Variants in PLBD2 observed in about 807,000 individuals in gnomAD.
PLBD2 encodes the protein putative aminopeptidase PLBD2.
Under a neutral mutation model 68.3 loss-of-function variants are expected in PLBD2, and 51 were observed. That is an observed-to-expected ratio of 0.75 (90% CI 0.60 to 0.94). PLBD2 has a LOEUF of 0.94. Among genes scored for constraint, PLBD2 ranks in the 40% least tolerant of loss-of-function variants. PLBD2 has a pLI of 0.00. For missense variants in PLBD2, 729 were observed against 792.2 expected (o/e 0.92, Z 0.96); for synonymous variants, 314 against 339.3 (o/e 0.93, Z 0.82).
intron 1 of PLBD2, among the ~76,000 whole-genome samples, chr12:113,365,204 T>C (rs1429976027): frequency 2.0e-5 from 3 of 152,356 alleles, no homozygotes; most frequent in East Asian, 1.9e-4. Flanking sequence ...TCAGCTCTGC[T>C]GCTCACCTGC....
chr12:113,386,410 A>G (rs1202300535), intron 9 of PLBD2, among the ~76,000 whole-genome samples: 1 of 142,460 alleles, frequency 7.0e-6, no homozygotes, highest in Admixed American at 6.9e-5. Flanking sequence ...CTGGAGTGCA[A>G]TGGTGCGATC....
In PLBD2 at chr12:113,375,033, G is replaced by A. The variant is rs762419536; in HGVS notation, c.859+26G>A. ...GTAGGTGGGTGTGGGTGTGTCTGGG[G>A]GATGAGCAGGTGGGTGGGCACACAC... On this transcript the variant is annotated intron_variant, in intron 5 of 11. Coordinates refer to ENST00000280800, the MANE Select transcript of PLBD2 (RefSeq NM_173542.4). 1.4e-5 allele frequency: 22 copies of A among 1,609,368 alleles called. No individual in the cohort carries two copies. The African/African-American group carries it at 2.8e-4, about 21-fold the overall frequency.
At chr12:113,382,833 TTTTGTGTGTG>T (rs1220662196) in intron 6 of PLBD2, among the ~76,000 whole-genome samples, 21 of 130,764 alleles carry the variant, frequency 1.6e-4, no homozygotes, top group African/African-American at 6.1e-4. Flanking sequence ...GGTGGTGGTT[TTTTGTGTGTG>T]TGTGTGTGTG....
At chr12:113,360,892 G>A (rs1957286528) in intron 1 of PLBD2, among the ~76,000 whole-genome samples, 1 of 152,278 alleles carries the variant, frequency 6.6e-6, no homozygotes. Context: ...CTGACTTCAG[G>A]TGATCTGCCC....
intron 8 of PLBD2, 29 bp from the exon 9 acceptor site, chr12:113,385,183 C>T (rs1328906451): frequency 3.7e-6 from 6 of 1,612,640 alleles, no homozygotes; most frequent in African/African-American, 2.7e-5. Flanking sequence ...TTCTGATCAC[C>T]TCCACCCCAT....
At chr12:113,377,129 G>A (rs1593286534) in intron 5 of PLBD2, 1 of 152,314 alleles carries the variant, frequency 6.6e-6, no homozygotes, top group East Asian at 1.9e-4. Context: ...TCTGTCCCTA[G>A]AGAGACATTT....
chr12:113,366,602 G>A (rs930830767), intron 1 of PLBD2, among the ~76,000 whole-genome samples: 1 of 151,628 alleles, frequency 6.6e-6, no homozygotes, highest in Non-Finnish European at 1.5e-5. Context: ...TCAACCTCTT[G>A]AGTAGCTGGG....
At chr12:113,359,964 G>T (rs1345180033) in intron 1 of PLBD2, among the ~76,000 whole-genome samples, 1 of 152,150 alleles carries the variant, frequency 6.6e-6, no homozygotes, top group Non-Finnish European at 1.5e-5. Flanking sequence ...GCACTAGGAT[G>T]TGCCCAGGAT....
chr12:113,371,835 C>G (rs1303853256), intron 2 of PLBD2, among the ~76,000 whole-genome samples: 1 of 152,256 alleles, frequency 6.6e-6, no homozygotes, highest in Non-Finnish European at 1.5e-5. Context: ...TCAGCTCTGT[C>G]TAACCCACGT....
Position 113,388,759 on chromosome 12 carries a change from C to A in PLBD2, c.*133C>A. ...CTCTGATCTGGGGTCTGAGTCATCTCCTCCTAGAGTGGGTCACGAACCTGA... is the reference window on the plus strand; with the variant it reads ...CTCTGATCTGGGGTCTGAGTCATCTACTCCTAGAGTGGGTCACGAACCTGA... On this transcript the variant is annotated 3_prime_UTR_variant, in exon 12 of 12. Coordinates refer to ENST00000280800, the MANE Select transcript of PLBD2 (RefSeq NM_173542.4). 9.8e-7 allele frequency: 1 copy of A among 1,018,276 alleles called. No individual in the cohort carries two copies. Among genetic ancestry groups the A allele is most frequent in the Non-Finnish European group, 1.4e-6 (1 of 730,470 alleles). 63.1% of individuals were successfully genotyped at this position (1,018,276 alleles called of 1,614,324 possible). A position where few individuals can be genotyped will look rare whatever the true frequency, so the allele number is the denominator to read the frequency against.
intron 1 of PLBD2, among the ~76,000 whole-genome samples, chr12:113,360,920 T>C (rs1372206341): frequency 1.3e-5 from 2 of 152,194 alleles, no homozygotes; most frequent in Non-Finnish European, 2.9e-5. Context: ...ACTTTCTGGC[T>C]TGTTTTCGGC....
At chr12:113,371,885 G>A (rs1957392237) in intron 2 of PLBD2, among the ~76,000 whole-genome samples, 1 of 152,212 alleles carries the variant, frequency 6.6e-6, no homozygotes, top group South Asian at 2.1e-4. Context: ...TCCCCCTCTA[G>A]CCTGTGGCCT....
At chr12:113,360,213 G>C (rs1437321506) in intron 1 of PLBD2, among the ~76,000 whole-genome samples, 1 of 152,190 alleles carries the variant, frequency 6.6e-6, no homozygotes, top group Non-Finnish European at 1.5e-5. Flanking sequence ...GGCTCCCAGA[G>C]AGAGGAGGCC....
intron 2 of PLBD2, among the ~76,000 whole-genome samples, chr12:113,369,566 G>A (rs960810450): frequency 1.3e-5 from 2 of 152,122 alleles, no homozygotes; most frequent in African/African-American, 2.4e-5. Flanking sequence ...TACATACAAC[G>A]TGATCTATCA....
chr12:113,380,793 C>A lies in PLBD2; in HGVS notation c.908C>A (p.Pro303His). The A allele has an allele frequency of 6.4e-7, 1 of 1,556,882 alleles. No individual in the cohort carries two copies. Among genetic ancestry groups the A allele is most frequent in the East Asian group, 2.4e-5 (1 of 41,728 alleles). Residue 303 changes from proline to histidine, a missense_variant, in exon 6 of 12, where the codon CCC (proline) becomes CAC (histidine). Transcript: ENST00000280800. ...PGNKLVFSSY[P>H]GTIFSCDDFY... ...AACAAGCTGGTCTTCTCCTCCTACC[C>A]CGGCACCATCTTCTCCTGCGACGAC...
intron 5 of PLBD2, 92 bp downstream of exon 5, chr12:113,375,099 C>T (rs1565861281): frequency 8.6e-7 from 1 of 1,169,000 alleles, no homozygotes; most frequent in African/African-American, 1.5e-5. Flanking sequence ...TGGAAACCCT[C>T]CCAACACACG....
At chr12:113,383,990 C>CT (rs1957521291) in intron 6 of PLBD2, 115 bp from the exon 7 acceptor site, 8 of 863,460 alleles carry the variant, frequency 9.3e-6, no homozygotes, top group Non-Finnish European at 1.3e-5. Context: ...GAGTGAGACT[C>CT]TATCTCAAAA....
intron 1 of PLBD2, among the ~76,000 whole-genome samples, chr12:113,360,500 T>A (rs2136896167): frequency 1.3e-5 from 2 of 152,326 alleles, no homozygotes; most frequent in South Asian, 4.1e-4. Flanking sequence ...CTTCCTTGAT[T>A]GTGCTGGATG....
intron 6 of PLBD2, among the ~76,000 whole-genome samples, chr12:113,381,996 A>C (rs1957495417): frequency 6.6e-6 from 1 of 151,630 alleles, no homozygotes; most frequent in South Asian, 2.1e-4. Flanking sequence ...CTAATTTTTA[A>C]ATTTCTTGTA....
Sources: gnomAD v4.1 joint callset for allele counts (sites outside exome capture counted in the v4.1 genomes callset) on GRCh38, gnomAD v4.1.1 for gene constraint, MANE v1.5 for transcripts, NCBI Gene and HGNC (gene_info 2026-07-23, HGNC 2026-07-21) for gene names.